The following PP2D1 variants were observed in gnomAD, a reference collection of about 807,000 sequenced individuals.
PP2D1 encodes protein phosphatase 2C like domain containing 1.
Under a neutral mutation model 30.2 loss-of-function variants are expected in PP2D1, and 25 were observed. That is an observed-to-expected ratio of 0.83 (90% CI 0.60 to 1.16). The LOEUF is 1.16. Among genes scored for constraint, PP2D1 ranks in the 50% most tolerant of loss-of-function variants. The pLI is 0.00. For missense variants in PP2D1, 760 were observed against 742.4 expected, an observed-to-expected ratio of 1.02 and a Z score of -0.28; for synonymous variants, 260 against 258.9, an observed-to-expected ratio of 1.00 and a Z score of -0.04.
intron 1 of PP2D1, chr3:20,007,936 C>G (rs1039435223): frequency 4.5e-6 from 1 of 223,224 alleles, no homozygotes; most frequent in African/African-American, 2.3e-5. Context: ...CCCTTTCTGC[C>G]AGATGTGGCG....
rs550751104 is a variant in PP2D1, at chr3:20,001,507, C to CA, written c.612dup (p.Gly205TrpfsTer4). 5.0e-5 allele frequency: 77 copies of CA among 1,533,868 alleles called. 2 individuals carry two copies. In the South Asian group the frequency reaches 8.1e-4, roughly 16 times the overall value. ...GCACCGTGATGTCCATCAAACAAAC[C>CA]AAAAAAACACACATTAGGTTTGTTA... On this transcript the variant is annotated frameshift_variant, in exon 2 of 3. Transcript: ENST00000389050. LOFTEE classifies it high-confidence loss of function.
At chr3:19,989,090 C>G (rs530206272) in intron 2 of PP2D1, among the ~76,000 whole-genome samples, 1 of 152,102 alleles carries the variant, frequency 6.6e-6, no homozygotes, top group African/African-American at 2.4e-5. Context: ...TTGCAGCACT[C>G]TGGGAGGCTG....
chr3:19,984,112 ACTGT>A (rs1447971281), downstream of PP2D1: 5 of 404,760 alleles, frequency 1.2e-5, no homozygotes, highest in Admixed American at 4.1e-5. Flanking sequence ...TAGACAAATG[ACTGT>A]CTGGGCCCAC....
At chr3:19,991,622 G>A (rs1409911887) in intron 2 of PP2D1, among the ~76,000 whole-genome samples, 1 of 152,188 alleles carries the variant, frequency 6.6e-6, no homozygotes, top group African/African-American at 2.4e-5. Context: ...CTGACAGTCA[G>A]ACTTTAACCC....
chr3:20,010,397 T>C (rs1697370821), intron 1 of PP2D1, among the ~76,000 whole-genome samples: 1 of 152,214 alleles, frequency 6.6e-6, no homozygotes, highest in African/African-American at 2.4e-5. Context: ...GCCCAGCCTG[T>C]TATTTAATTT....
At chr3:19,988,545 TC>T (rs1457233531) in intron 2 of PP2D1, among the ~76,000 whole-genome samples, 5 of 152,200 alleles carry the variant, frequency 3.3e-5, no homozygotes, top group Admixed American at 3.3e-4. Flanking sequence ...TCCTGTGATC[TC>T]GTTCTGCCCC....
intron 2 of PP2D1, among the ~76,000 whole-genome samples, chr3:19,995,206 T>C (rs1360079397): frequency 6.6e-6 from 1 of 152,058 alleles, no homozygotes; most frequent in Non-Finnish European, 1.5e-5. Flanking sequence ...CCTGTCAATG[T>C]GTTCTTATTG....
rs1230505733 is a variant in PP2D1, at chr3:19,985,832, A to AT, written c.1440dup (p.Tyr481IlefsTer7). The AT allele has an allele frequency of 6.5e-7, 1 of 1,536,176 alleles. No individual in the cohort carries two copies. Among genetic ancestry groups the AT allele is most frequent in the Non-Finnish European group, 8.7e-7 (1 of 1,146,870 alleles). ...GATTTGTTAGGTATGATAGGACAGTATGTTTCTTTATACATGTGAAATGTT... is the reference window on the plus strand; with the variant it reads ...GATTTGTTAGGTATGATAGGACAGTATTGTTTCTTTATACATGTGAAATGTT... On this transcript the variant is annotated frameshift_variant, in exon 3 of 3. Transcript: ENST00000389050. LOFTEE classifies it low-confidence loss of function (END_TRUNC).
At chr3:20,003,581 A>G (rs1463256241) in intron 1 of PP2D1, among the ~76,000 whole-genome samples, 1 of 151,846 alleles carries the variant, frequency 6.6e-6, no homozygotes, top group Non-Finnish European at 1.5e-5. Flanking sequence ...CGTTTCTACT[A>G]AAAATACAAA....
downstream of PP2D1, among the ~76,000 whole-genome samples, chr3:19,980,405 T>C (rs774460643): frequency 1.3e-3 from 201 of 152,210 alleles, no homozygotes; most frequent in Non-Finnish European, 2.4e-3. Context: ...ATGTTGTAAA[T>C]GGAATTGTGG....
Position 19,986,092 on chromosome 3 carries a change from A to G in PP2D1, c.1181T>C (p.Ile394Thr). The G allele has an allele frequency of 6.5e-7, 1 of 1,535,762 alleles. No homozygotes were observed. The highest frequency in any genetic ancestry group is 8.7e-7 in the Non-Finnish European group (1 of 1,146,674). Reference protein sequence around the residue: ...TTRNTNERRRILQNGAVISSN... With the variant: ...TTRNTNERRRTLQNGAVISSN... ...ACTAATGACTGCTCCATTCTGAAGT[A>G]TTCTTCTTCTTTCATTTGTGTTTCG... The change falls in exon 3 of 3, where the codon ATA becomes ACA. Residue 394 changes from isoleucine (I) to threonine (T), a missense_variant. By Grantham distance (89) the Ile-to-Thr change is moderately conservative. Around this residue, in one of 3 missense-constraint regions of PP2D1, gnomAD observed 369 missense variants for 316.2 expected, o/e 1.17. Coordinates refer to ENST00000389050, the MANE Select transcript of PP2D1 (RefSeq NM_001252657.2).
At chr3:19,992,085 T>C (rs2125139696) in intron 2 of PP2D1, among the ~76,000 whole-genome samples, 1 of 152,338 alleles carries the variant, frequency 6.6e-6, no homozygotes, top group Admixed American at 6.5e-5. Context: ...TGTTTAATTT[T>C]ATGCATGGAC....
In PP2D1 at chr3:19,986,091, T is replaced by C. The variant is rs1251796775; in HGVS notation, c.1182A>G (p.Ile394Met). ...TTRNTNERRR[I>M]LQNGAVISSN... is the part of the protein sequence containing the mutation. ...AACTAATGACTGCTCCATTCTGAAG[T>C]ATTCTTCTTCTTTCATTTGTGTTTC... Residue 394 changes from isoleucine (I) to methionine (M), a missense_variant, in exon 3 of 3, where the codon ATA becomes ATG. By Grantham distance (10) the Ile-to-Met change is conservative (BLOSUM62 1). Transcript: ENST00000389050. 5 of 1,535,946 alleles carry C rather than the reference T, an allele frequency of 3.3e-6. No individual in the cohort carries two copies. The highest frequency in any genetic ancestry group is 4.4e-6 in the Non-Finnish European group (5 of 1,146,776).
chr3:20,004,836 G>T (rs1423815043), intron 1 of PP2D1, among the ~76,000 whole-genome samples: 2 of 152,208 alleles, frequency 1.3e-5, no homozygotes, highest in Non-Finnish European at 2.9e-5. Flanking sequence ...GCTGGGTGCA[G>T]TGGCTCATAC....
rs7652446 is a variant in PP2D1 at position 20,001,751 on chromosome 3, G to T, written c.369C>A (p.Phe123Leu). Reference protein sequence around the residue: ...MISKLLSSFMFTEKTLQSINN... With the variant: ...MISKLLSSFMLTEKTLQSINN... ...TAATGCTCTGTAGGGTTTTTTCAGT[G>T]AACATAAAAGATGACAATAGTTTAG... Residue 123 changes from phenylalanine to leucine, a missense_variant, in exon 2 of 3, where the codon TTC becomes TTA. Transcript: ENST00000389050. 1.4e-3 allele frequency: 2,198 copies of T among 1,529,980 alleles called. 29 individuals carry two copies. The African/African-American group carries it at 0.025, about 18-fold the overall frequency. 94.8% of individuals were successfully genotyped at this position (1,529,980 alleles called of 1,614,324 possible).
intron 1 of PP2D1, among the ~76,000 whole-genome samples, chr3:20,005,146 T>A (rs879933481): frequency 0.14 from 19,791 of 143,062 alleles, 1,688 homozygotes; most frequent in Non-Finnish European, 0.2. Context: ...TATATACATT[T>A]TTTTTTTTAA....
At chr3:19,980,736 C>T (rs1254239822), downstream of PP2D1, among the ~76,000 whole-genome samples, 1 of 152,208 alleles carries the variant, frequency 6.6e-6, no homozygotes, top group African/African-American at 2.4e-5. Context: ...TGGGGCTTTG[C>T]TTGTAAATAC....
At chr3:19,982,209 A>G (rs547411698), downstream of PP2D1, among the ~76,000 whole-genome samples, 26 of 152,300 alleles carry the variant, frequency 1.7e-4, no homozygotes, top group African/African-American at 5.5e-4. Context: ...CCACACTCTA[A>G]CTTGGGCTAC....
chr3:19,998,279 A>T, intron 2 of PP2D1, among the ~76,000 whole-genome samples: 1 of 152,060 alleles, frequency 6.6e-6, no homozygotes. Context: ...GCAGTGAGCC[A>T]AGATCGCGCC....
Sources: allele counts gnomAD v4.1 joint callset (sites outside exome capture counted in the v4.1 genomes callset), GRCh38; gene constraint gnomAD v4.1.1; regional missense constraint gnomAD v4.1.1; transcripts MANE v1.5; gene names NCBI Gene and HGNC (gene_info 2026-07-23, HGNC 2026-07-21).